The following SH3TC1 variants were observed in gnomAD, a reference collection of about 807,000 sequenced individuals.
The protein encoded by SH3TC1 is SH3 domain and tetratricopeptide repeat-containing protein 1.
In SH3TC1, 135 loss-of-function variants were observed where a neutral mutation model predicts 117.3. The observed-to-expected ratio is 1.15, with a 90% CI of 1.00 to 1.33. The LOEUF is 1.33. Among genes scored for constraint, SH3TC1 ranks in the 40% most tolerant of loss-of-function variants. The pLI, the probability that SH3TC1 is intolerant of heterozygous loss-of-function variation, is 0.00. For synonymous variants in SH3TC1, 898 were observed against 816.9 expected, an observed-to-expected ratio of 1.10 and a Z score of -1.69; for missense variants, 2,092 against 1,794.3, an observed-to-expected ratio of 1.17 and a Z score of -3.00.
upstream of SH3TC1, among the ~76,000 whole-genome samples, chr4:8,196,405 G>T (rs1238454617): frequency 6.6e-6 from 1 of 152,098 alleles, no homozygotes; most frequent in Non-Finnish European, 1.5e-5. The surrounding 1 kb of genome is among the most constrained non-coding windows in gnomAD (Gnocchi z 4.6). Context: ...ACCTGGAGGG[G>T]TGGGGTGGGG....
intron 5 of SH3TC1, among the ~76,000 whole-genome samples, chr4:8,215,808 C>T (rs538299372): frequency 6.6e-6 from 1 of 152,344 alleles, no homozygotes; most frequent in East Asian, 1.9e-4. Context: ...GCCTGCACGG[C>T]CCCCGACCAT....
In SH3TC1 at chr4:8,210,104, G is replaced by T. The variant is rs766746863; in HGVS notation, c.247+282G>T. On this transcript the variant is annotated intron_variant, in intron 3 of 17. Transcript: ENST00000245105. The surrounding 1 kb of genome is among the most constrained non-coding windows in gnomAD (Gnocchi z 4.1). The stretch of plus-strand genomic sequence containing the variant: ...CTCCGTGGGTGACACCCCAGGGAGG[G>T]GCTTCACAGGTGCCATATGGTAAGA... Among the ~76,000 whole-genome samples, 21 of 152,192 alleles carry T rather than the reference G, an allele frequency of 1.4e-4. No homozygotes were observed. Among genetic ancestry groups the T allele is most frequent in the Non-Finnish European group, 2.4e-4 (16 of 68,012 alleles).
upstream of SH3TC1, among the ~76,000 whole-genome samples, chr4:8,194,618 G>A (rs1380997384): frequency 6.6e-6 from 1 of 152,200 alleles, no homozygotes. Flanking sequence ...TGGTGTAAAA[G>A]GCAGGTGGGG....
At chr4:8,226,948 C>G (rs375595633) in intron 11 of SH3TC1, 32 bp from the exon 12 acceptor site, 2 of 1,489,342 alleles carry the variant, frequency 1.3e-6, no homozygotes, top group East Asian at 2.3e-5. Context: ...CTGCTGGACT[C>G]TAATCTGTCT....
chr4:8,197,219 C>T (rs1717582244), upstream of SH3TC1, among the ~76,000 whole-genome samples: 1 of 152,118 alleles, frequency 6.6e-6, no homozygotes. Context: ...ACCTGGAGCC[C>T]CAGAGGCTGG....
chr4:8,213,239 C>T, intron 4 of SH3TC1: 1 of 174,810 alleles, frequency 5.7e-6, no homozygotes, highest in Non-Finnish European at 1.2e-5. Context: ...GGGAGGCTGG[C>T]ACAGGGTGTG....
intron 1 of SH3TC1, chr4:8,182,345 C>A (rs1402355859): frequency 1.3e-5 from 2 of 152,238 alleles, no homozygotes; most frequent in African/African-American, 2.4e-5. Context: ...GAGGGTGCAC[C>A]CAAAACTCGA....
chr4:8,217,319 G>A, intron 7 of SH3TC1, 152 bp downstream of exon 7: 1 of 1,018,806 alleles, frequency 9.8e-7, no homozygotes, highest in East Asian at 2.6e-5. Flanking sequence ...CAGCTGTGTG[G>A]CCTCGGCAAT....
At chr4:8,216,675 G>A (rs1719309320) in intron 6 of SH3TC1, among the ~76,000 whole-genome samples, 1 of 152,094 alleles carries the variant, frequency 6.6e-6, no homozygotes, top group Non-Finnish European at 1.5e-5. Flanking sequence ...AGGGCCCTGG[G>A]GGTCCCACCT....
chr4:8,197,766 C>T (rs760759296), upstream of SH3TC1, among the ~76,000 whole-genome samples: 19 of 152,216 alleles, frequency 1.2e-4, no homozygotes, highest in East Asian at 1.9e-4. Context: ...CCCCCGATCC[C>T]GGGCCCTGGC....
upstream of SH3TC1, among the ~76,000 whole-genome samples, chr4:8,195,901 C>T (rs375592113): frequency 1.3e-5 from 2 of 152,180 alleles, no homozygotes; most frequent in South Asian, 4.1e-4. Context: ...CCCCACTTCT[C>T]CCCACAGCCC....
chr4:8,227,847 G>T lies in SH3TC1; in HGVS notation c.2153G>T (p.Ser718Ile). Reference sequence around the variant, plus strand: ...TACCTACTCCTGGCTGACATCTACAGCCGCAAGTGCCTGCCCCACCTGGTG... The same window carrying T: ...TACCTACTCCTGGCTGACATCTACATCCGCAAGTGCCTGCCCCACCTGGTG... ...DCYLLLADIY[S>I]RKCLPHLVLS... The change falls in exon 12 of 18, where the codon AGC becomes ATC. Residue 718 changes from serine (S) to isoleucine (I), a missense_variant. Coordinates refer to ENST00000245105, the MANE Select transcript of SH3TC1 (RefSeq NM_018986.5). 6.2e-7 allele frequency: 1 copy of T among 1,612,812 alleles called. No homozygotes were observed. Among genetic ancestry groups the T allele is most frequent in the Non-Finnish European group, 8.5e-7 (1 of 1,179,982 alleles).
chr4:8,240,754 G>A lies in SH3TC1; in HGVS notation c.3810G>A (p.Leu1270=). ...YQLALAAAVD[L]GNKKAQLKIY... Reference sequence around the variant, plus strand: ...TGGCGCTGGCAGCCGCCGTGGACCTGGGCAACAAGAAGGCACAGCTGAAGA... The same window carrying A: ...TGGCGCTGGCAGCCGCCGTGGACCTAGGCAACAAGAAGGCACAGCTGAAGA... The change falls in exon 18 of 18, where the codon CTG becomes CTA. Residue 1270 remains leucine (L), a synonymous_variant. Transcript: ENST00000245105. The A allele has an allele frequency of 6.2e-7, 1 of 1,607,670 alleles. No individual in the cohort carries two copies. Among genetic ancestry groups the A allele is most frequent in the Non-Finnish European group, 8.5e-7 (1 of 1,177,398 alleles).
intron 10 of SH3TC1, among the ~76,000 whole-genome samples, chr4:8,223,193 C>G (rs1044713420): frequency 6.6e-6 from 1 of 152,234 alleles, no homozygotes; most frequent in Non-Finnish European, 1.5e-5. Context: ...CCCTGAGACT[C>G]CTGTGGGCAC....
Position 8,216,855 on chromosome 4 carries a change from G to A in SH3TC1, c.629-102G>A. 4 of 1,228,774 alleles carry A rather than the reference G, an allele frequency of 3.3e-6. No individual in the cohort carries two copies. In the South Asian group the frequency reaches 3.7e-5, roughly 11 times the overall value. The allele number at this position is 1,228,774 out of a possible 1,614,324, so 76.1% of individuals were successfully genotyped here. A position where few individuals can be genotyped will look rare whatever the true frequency, so the allele number is the denominator to read the frequency against. Reference sequence around the variant, plus strand: ...TGCAGACACTGGGGGGGCCGCTCCTGTGGGTGTTGCCTTCGTTGTCTGTCC... The same window carrying A: ...TGCAGACACTGGGGGGGCCGCTCCTATGGGTGTTGCCTTCGTTGTCTGTCC... On this transcript the variant is annotated intron_variant, in intron 6 of 17. Coordinates refer to ENST00000245105, the MANE Select transcript of SH3TC1 (RefSeq NM_018986.5).
At chr4:8,208,199 A>G (rs1198319377) in intron 2 of SH3TC1, among the ~76,000 whole-genome samples, 1 of 152,160 alleles carries the variant, frequency 6.6e-6, no homozygotes, top group Admixed American at 6.5e-5. Flanking sequence ...CAGGGAGTGA[A>G]TCTCCAGGCT....
At chr4:8,212,113 A>G (rs1172255419) in intron 3 of SH3TC1, among the ~76,000 whole-genome samples, 1 of 152,068 alleles carries the variant, frequency 6.6e-6, no homozygotes, top group Non-Finnish European at 1.5e-5. Flanking sequence ...TGATCCGAGC[A>G]GGGGTGGGGG....
chr4:8,191,643 G>C (rs538963019), intron 1 of SH3TC1, among the ~76,000 whole-genome samples: 155 of 152,330 alleles, frequency 1.0e-3, no homozygotes, highest in African/African-American at 3.6e-3. Context: ...CCAGGCTAGC[G>C]GCTTATCATG....
rs772343824 is a variant in SH3TC1 at position 8,222,871 on chromosome 4, G to A, written c.1144G>A (p.Glu382Lys). ...LESAIFLNEE[E>K]KSFFSEGCFS... ...AAGTGCGATTTTTCTCAATGAGGAA[G>A]AAAAGTCATTCTTCAGCGAGGGCTG... Residue 382 changes from glutamate (E) to lysine (K), a missense_variant, in exon 10 of 18, where the codon GAA becomes AAA. By Grantham distance (56) the Glu-to-Lys change is moderately conservative. Coordinates refer to ENST00000245105, the MANE Select transcript of SH3TC1 (RefSeq NM_018986.5). 1.2e-6 allele frequency: 2 copies of A among 1,613,644 alleles called. No individual in the cohort carries two copies. The highest frequency in any genetic ancestry group is 1.7e-6 in the Non-Finnish European group (2 of 1,179,682).
Sources: gnomAD v4.1 joint callset for allele counts (sites outside exome capture counted in the v4.1 genomes callset) on GRCh38, gnomAD v4.1.1 for gene constraint, Gnocchi (gnomAD v3.1) non-coding constraint, MANE v1.5 for transcripts, NCBI Gene and HGNC (gene_info 2026-07-23, HGNC 2026-07-21) for gene names.